The following PPP3CC variants were observed in gnomAD, a reference collection of about 807,000 sequenced individuals.
The protein encoded by PPP3CC is protein phosphatase 3 catalytic subunit gamma.
In PPP3CC, 35 loss-of-function variants were observed where a neutral mutation model predicts 60.3. The observed-to-expected ratio is 0.58, with a 90% CI of 0.44 to 0.77. PPP3CC has a LOEUF of 0.77. Ranked by LOEUF, PPP3CC falls within the 30% of genes least tolerant of loss-of-function variation. PPP3CC has a pLI of 0.00. For missense variants in PPP3CC, 570 were observed against 628.9 expected, an observed-to-expected ratio of 0.91 and a Z score of 1.00; for synonymous variants, 206 against 224.3, an observed-to-expected ratio of 0.92 and a Z score of 0.73.
chr8:22,523,358 G>A (rs1027239226), intron 8 of PPP3CC, among the ~76,000 whole-genome samples: 3 of 151,948 alleles, frequency 2.0e-5, no homozygotes, highest in African/African-American at 7.3e-5. Context: ...ACTTTATCCT[G>A]TTAAAGTCTT....
chr8:22,459,039 G>T (rs1455544611), intron 1 of PPP3CC, among the ~76,000 whole-genome samples: 1 of 151,924 alleles, frequency 6.6e-6, no homozygotes, highest in Non-Finnish European at 1.5e-5. Flanking sequence ...TTCACATATT[G>T]AAGTTGACAC....
At chr8:22,493,011 G>A (rs1838453782) in intron 3 of PPP3CC, 1 of 1,284,190 alleles carries the variant, frequency 7.8e-7, no homozygotes, top group African/African-American at 1.5e-5. Context: ...AGCACCACTT[G>A]CTACTGGAGA....
intron 1 of PPP3CC, among the ~76,000 whole-genome samples, chr8:22,462,761 G>A (rs1468639800): frequency 6.6e-6 from 1 of 151,900 alleles, no homozygotes; most frequent in African/African-American, 2.4e-5. Context: ...AGTAGGGACG[G>A]GGTTTCACCA....
intron 1 of PPP3CC, among the ~76,000 whole-genome samples, chr8:22,468,760 T>C (rs1421591785): frequency 2.6e-5 from 4 of 152,250 alleles, no homozygotes; most frequent in African/African-American, 9.6e-5. Flanking sequence ...ACGGGCCATT[T>C]TTCCTTTTAA....
intron 6 of PPP3CC, among the ~76,000 whole-genome samples, chr8:22,517,203 T>A (rs1839269867): frequency 6.6e-6 from 1 of 152,224 alleles, no homozygotes; most frequent in African/African-American, 2.4e-5. Flanking sequence ...CCTTCTTTTA[T>A]CCCAGGGATA....
chr8:22,533,583 G>C (rs1379780208), intron 12 of PPP3CC, among the ~76,000 whole-genome samples: 2 of 152,216 alleles, frequency 1.3e-5, no homozygotes, highest in Non-Finnish European at 2.9e-5. Context: ...CCAGCACTTT[G>C]GGAGGCCGAG....
At chr8:22,443,976 C>A (rs1836751997) in intron 1 of PPP3CC, among the ~76,000 whole-genome samples, 1 of 152,198 alleles carries the variant, frequency 6.6e-6, no homozygotes, top group South Asian at 2.1e-4. Context: ...ATTTTTGTTT[C>A]TGTCATTTCC....
chr8:22,508,409 C>T (rs1178471172), intron 4 of PPP3CC, among the ~76,000 whole-genome samples: 1 of 152,130 alleles, frequency 6.6e-6, no homozygotes, highest in African/African-American at 2.4e-5. Context: ...ATTATATATG[C>T]AATTCATATA....
intron 4 of PPP3CC, among the ~76,000 whole-genome samples, chr8:22,498,815 A>G (rs950628594): frequency 3.3e-5 from 5 of 152,226 alleles, no homozygotes; most frequent in African/African-American, 1.2e-4. Flanking sequence ...AATAGTAAAA[A>G]TAAGTTTAAT....
chr8:22,518,672 AT>A (rs1381020616), intron 6 of PPP3CC, among the ~76,000 whole-genome samples: 1 of 152,092 alleles, frequency 6.6e-6, no homozygotes, highest in African/African-American at 2.4e-5. Flanking sequence ...AGAATGATGT[AT>A]TGAAGTTACT....
In PPP3CC at chr8:22,441,303, C is replaced by T. The variant is rs188266352; in HGVS notation, c.-107C>T. 16 of 1,160,234 alleles carry T rather than the reference C, an allele frequency of 1.4e-5. No homozygotes were observed. In the East Asian group the frequency reaches 2.7e-4, roughly 20 times the overall value. 71.9% of individuals were successfully genotyped at this position (1,160,234 alleles called of 1,614,324 possible). ...GCTGAGGAGCCGGGGCCGGGCACGG[C>T]TGGCTGACGGCTCCGGGCAGCTAAG... On this transcript the variant is annotated 5_prime_UTR_variant, in exon 1 of 14. Coordinates refer to ENST00000240139, the MANE Select transcript of PPP3CC (RefSeq NM_005605.5).
At chr8:22,478,725 C>T (rs985999471) in intron 3 of PPP3CC, among the ~76,000 whole-genome samples, 3 of 152,136 alleles carry the variant, frequency 2.0e-5, no homozygotes, top group Non-Finnish European at 2.9e-5. Flanking sequence ...TAGGAGCTTC[C>T]AGTCTAATAG....
chr8:22,533,139 G>A (rs776229129), intron 12 of PPP3CC, 121 bp downstream of exon 12: 5 of 645,648 alleles, frequency 7.7e-6, no homozygotes, highest in Non-Finnish European at 1.2e-5. Flanking sequence ...TACCATAAGC[G>A]GGGAAATGAA....
At chr8:22,449,747 G>A (rs1025571635) in intron 1 of PPP3CC, among the ~76,000 whole-genome samples, 9 of 151,910 alleles carry the variant, frequency 5.9e-5, no homozygotes, top group Non-Finnish European at 1.0e-4. Context: ...AAGGGCCAGA[G>A]AACTGAAATA....
chr8:22,515,912 T>TTA (rs1839231179), intron 6 of PPP3CC, among the ~76,000 whole-genome samples: 1 of 133,662 alleles, frequency 7.5e-6, no homozygotes, highest in African/African-American at 3.2e-5. Flanking sequence ...TCTTTCTTCT[T>TTA]CTTTATTTTA....
chr8:22,521,685 G>A (rs1161164706), intron 6 of PPP3CC, among the ~76,000 whole-genome samples: 1 of 152,124 alleles, frequency 6.6e-6, no homozygotes, highest in Admixed American at 6.5e-5. Context: ...TGAGCATAAT[G>A]AGAAACAAAG....
intron 3 of PPP3CC, among the ~76,000 whole-genome samples, chr8:22,484,329 A>G (rs1838160823): frequency 6.6e-6 from 1 of 152,056 alleles, no homozygotes; most frequent in Non-Finnish European, 1.5e-5. Flanking sequence ...TAGACACAGC[A>G]TACAACATAG....
rs760726596 is a variant in PPP3CC, at chr8:22,511,050, T to C, written c.485-36T>C. On this transcript the variant is annotated intron_variant, in intron 4 of 13. Transcript: ENST00000240139. ...ATCCTTTTTCAAATGTGATACGTTTTAGTTCTTCCATTGACTGGTTTTCCT... is the reference window on the plus strand; with the variant it reads ...ATCCTTTTTCAAATGTGATACGTTTCAGTTCTTCCATTGACTGGTTTTCCT... 3 of 1,606,230 alleles carry C rather than the reference T, an allele frequency of 1.9e-6. No individual in the cohort carries two copies. The East Asian group carries it at 6.7e-5, about 36-fold the overall frequency.
At chr8:22,484,565 A>G (rs1349046191) in intron 3 of PPP3CC, among the ~76,000 whole-genome samples, 1 of 152,222 alleles carries the variant, frequency 6.6e-6, no homozygotes, top group Non-Finnish European at 1.5e-5. Context: ...TTTTGAGTAA[A>G]GTAGTTTGAG....
Sources: gnomAD v4.1 joint callset for allele counts (sites outside exome capture counted in the v4.1 genomes callset) on GRCh38, gnomAD v4.1.1 for gene constraint, MANE v1.5 for transcripts, NCBI Gene and HGNC (gene_info 2026-07-23, HGNC 2026-07-21) for gene names.